Variants in SORCS2 observed in about 807,000 individuals in gnomAD.
The protein encoded by SORCS2 is VPS10 domain-containing receptor SorCS2.
A neutral mutation model predicts 141.6 loss-of-function variants in SORCS2; 100 were observed. The ratio of observed to expected loss-of-function variants is 0.71; its 90% CI spans 0.60 to 0.83. The LOEUF (loss-of-function observed/expected upper bound fraction) is 0.83. Among genes scored for constraint, SORCS2 ranks in the 40% least tolerant of loss-of-function variants. The probability of loss-of-function intolerance (pLI) is 0.00; values close to 1 mark genes in which losing one functional copy is unlikely to be tolerated. For missense variants in SORCS2, 1,646 were observed against 1,560.2 expected, an observed-to-expected ratio of 1.05 and a Z score of -0.93; for synonymous variants, 789 against 676.9, an observed-to-expected ratio of 1.17 and a Z score of -2.57.
At chr4:7,312,076 C>T (rs1005067050) in intron 1 of SORCS2, among the ~76,000 whole-genome samples, 6 of 152,084 alleles carry the variant, frequency 3.9e-5, no homozygotes. Context: ...GGAGTTTCAC[C>T]ATGTTGGCCA....
rs550577407 is a variant in SORCS2, at chr4:7,251,079, T to C, written c.480+57953T>C. Among the ~76,000 whole-genome samples the C allele has an allele frequency of 7.2e-5, 11 of 152,320 alleles. No individual in the cohort carries two copies. In the South Asian group the frequency reaches 2.3e-3, roughly 32 times the overall value. On this transcript the variant is annotated intron_variant, in intron 1 of 26. Coordinates refer to ENST00000507866, the MANE Select transcript of SORCS2 (RefSeq NM_020777.3). ...GGTCCCAGTATCCTTGTCTGTAAAA[T>C]GGGTGCATTGGGATAATAGCCTTTG...
chr4:7,252,867 G>A (rs537504994), intron 1 of SORCS2, among the ~76,000 whole-genome samples: 7 of 152,344 alleles, frequency 4.6e-5, no homozygotes, highest in South Asian at 4.1e-4. Context: ...ATTGCATTCC[G>A]TTTAGAAAAA....
intron 25 of SORCS2, among the ~76,000 whole-genome samples, chr4:7,736,171 A>T (rs1480431184): frequency 6.6e-6 from 1 of 152,222 alleles, no homozygotes; most frequent in Admixed American, 6.5e-5. Flanking sequence ...TGGGCTGGGC[A>T]GCACTGACAA....
chr4:7,227,131 A>G (rs1729038578), intron 1 of SORCS2, among the ~76,000 whole-genome samples: 1 of 152,118 alleles, frequency 6.6e-6, no homozygotes, highest in African/African-American at 2.4e-5. Flanking sequence ...GCTCACACAC[A>G]TGCAGGAGGC....
chr4:7,584,861 C>CTAAT (rs1716431500), intron 3 of SORCS2, among the ~76,000 whole-genome samples: 1 of 152,162 alleles, frequency 6.6e-6, no homozygotes, highest in Non-Finnish European at 1.5e-5. Context: ...TGTCATTAGC[C>CTAAT]TAATTGTGTG....
chr4:7,610,029 T>C (rs916355023), intron 3 of SORCS2, among the ~76,000 whole-genome samples: 2 of 152,142 alleles, frequency 1.3e-5, no homozygotes, highest in Non-Finnish European at 2.9e-5. Flanking sequence ...AATCATGAGG[T>C]TGATGATTAG....
chr4:7,462,270 C>T (rs1435746075), intron 2 of SORCS2, among the ~76,000 whole-genome samples: 10 of 152,220 alleles, frequency 6.6e-5, no homozygotes, highest in Non-Finnish European at 1.5e-4. Context: ...GGACTTTAAT[C>T]CCAAATGTCT....
At chr4:7,471,472 A>G (rs1729973001) in intron 2 of SORCS2, among the ~76,000 whole-genome samples, 2 of 152,240 alleles carry the variant, frequency 1.3e-5, no homozygotes, top group Non-Finnish European at 2.9e-5. Flanking sequence ...GCAATTTTAA[A>G]TGATACAGTG....
rs1304936509 is a variant in SORCS2 at position 7,724,283 on chromosome 4, GTGGTGGTGATAA to G, written c.2611+406_2611+417del. On this transcript the variant is annotated intron_variant, in intron 19 of 26. Coordinates refer to ENST00000507866, the MANE Select transcript of SORCS2 (RefSeq NM_020777.3). ...GGTGATGGTGATGATGGTGGTGGTG[GTGGTGGTGATAA>G]TGGTGACAATGGTGGTGGTGGTGGT... is the stretch of plus-strand genomic sequence containing the variant. Among the ~76,000 whole-genome samples the G allele has an allele frequency of 5.4e-4, 74 of 136,272 alleles. 1 individual carries two copies. Among genetic ancestry groups the G allele is most frequent in the Admixed American group, 4.9e-3 (68 of 13,856 alleles). 89.4% of individuals were successfully genotyped at this position (136,272 alleles called of 152,430 possible).
At chr4:7,446,782 G>A (rs1005772761) in intron 2 of SORCS2, among the ~76,000 whole-genome samples, 9 of 152,222 alleles carry the variant, frequency 5.9e-5, no homozygotes, top group African/African-American at 1.7e-4. Flanking sequence ...GCAATTGTAC[G>A]TGCAGTGTCG....
chr4:7,675,004 C>T (rs1723026564), intron 8 of SORCS2, among the ~76,000 whole-genome samples: 1 of 152,098 alleles, frequency 6.6e-6, no homozygotes, highest in Non-Finnish European at 1.5e-5. Flanking sequence ...TGATGAAGCT[C>T]CAGAGTGAGA....
intron 3 of SORCS2, among the ~76,000 whole-genome samples, chr4:7,547,263 C>G (rs192374685): frequency 6.6e-6 from 1 of 152,232 alleles, no homozygotes; most frequent in Non-Finnish European, 1.5e-5. Context: ...ACACTACCTT[C>G]GCTACTGTCT....
intron 26 of SORCS2, 161 bp downstream of exon 26, chr4:7,737,333 C>T (rs1174874821): frequency 1.1e-6 from 1 of 948,926 alleles, no homozygotes. Flanking sequence ...CACTGTGTCC[C>T]CTCCATCTGA....
chr4:7,704,453 C>T (rs1023307018), intron 14 of SORCS2, among the ~76,000 whole-genome samples, 169 bp downstream of exon 14: 11 of 152,238 alleles, frequency 7.2e-5, no homozygotes, highest in African/African-American at 2.7e-4. Context: ...CAGGCCGGCT[C>T]CACCATGGCC....
intron 1 of SORCS2, among the ~76,000 whole-genome samples, chr4:7,332,756 G>A (rs774535841): frequency 6.6e-6 from 1 of 152,188 alleles, no homozygotes; most frequent in Non-Finnish European, 1.5e-5. Flanking sequence ...TCCCAGCGCT[G>A]CCTGTGGATG....
chr4:7,267,218 C>T (rs1001011827), intron 1 of SORCS2, among the ~76,000 whole-genome samples: 3 of 152,224 alleles, frequency 2.0e-5, no homozygotes, highest in African/African-American at 7.2e-5. Context: ...TTCTCCTAAG[C>T]CTTTCTTACC....
In SORCS2 at chr4:7,373,478, A is replaced by ATTTTTTTTTTTTTTTTTTTTTTTTTT. The variant is rs71173496; in HGVS notation, c.481-22807_481-22782dup. Among the ~76,000 whole-genome samples, 7 of 36,824 alleles carry ATTTTTTTTTTTTTTTTTTTTTTTTTT rather than the reference A, an allele frequency of 1.9e-4. 1 individual carries two copies. Among genetic ancestry groups the ATTTTTTTTTTTTTTTTTTTTTTTTTT allele is most frequent in the Non-Finnish European group, 2.1e-4 (5 of 24,128 alleles). The allele number at this position is 36,824 out of a possible 152,430, so 24.2% of individuals were successfully genotyped here. ...AACTTTTATATATATATATATATATATTTTTTTTTTTTTTTTTTTTTTTTT... is the reference window on the plus strand; with the variant it reads ...AACTTTTATATATATATATATATATATTTTTTTTTTTTTTTTTTTTTTTTTTTTTTTTTTTTTTTTTTTTTTTTTTT... On this transcript the variant is annotated intron_variant, in intron 1 of 26. Coordinates refer to ENST00000507866, the MANE Select transcript of SORCS2 (RefSeq NM_020777.3).
At chr4:7,521,279 C>T (rs1250885571) in intron 2 of SORCS2, among the ~76,000 whole-genome samples, 3 of 152,158 alleles carry the variant, frequency 2.0e-5, no homozygotes, top group Non-Finnish European at 4.4e-5. Context: ...GATCCTGCTG[C>T]CTTCGCTGCT....
chr4:7,249,337 G>A (rs761154135), intron 1 of SORCS2, among the ~76,000 whole-genome samples: 2 of 152,116 alleles, frequency 1.3e-5, no homozygotes, highest in Non-Finnish European at 2.9e-5. Context: ...ACAGCATGGT[G>A]GTCCCAAGAG....
Sources: allele counts gnomAD v4.1 joint callset (sites outside exome capture counted in the v4.1 genomes callset), GRCh38; gene constraint gnomAD v4.1.1; transcripts MANE v1.5; gene names NCBI Gene and HGNC (gene_info 2026-07-23, HGNC 2026-07-21).